Variants in GFRA1 observed in about 807,000 individuals in gnomAD.
The protein encoded by GFRA1 is GDNF family receptor alpha 1.
Under a neutral mutation model 51.6 loss-of-function variants are expected in GFRA1, and 16 were observed. The observed-to-expected ratio is 0.31, with a 90% CI of 0.21 to 0.47. The LOEUF (loss-of-function observed/expected upper bound fraction) is 0.47. Ranked by LOEUF, GFRA1 falls within the 20% of genes least tolerant of loss-of-function variation. GFRA1 has a pLI of 1.00. For synonymous variants in GFRA1, 270 were observed against 241.3 expected (o/e 1.12, Z -1.10); for missense variants, 530 against 594.3 (o/e 0.89, Z 1.13).
At chr10:116,159,725 C>T (rs1158515255) in intron 5 of GFRA1, among the ~76,000 whole-genome samples, 1 of 152,178 alleles carries the variant, frequency 6.6e-6, no homozygotes, top group Non-Finnish European at 1.5e-5. Flanking sequence ...TGCGGCTGCA[C>T]GGAAGGCTGA....
intron 5 of GFRA1, among the ~76,000 whole-genome samples, chr10:116,178,207 G>A (rs1175467446): frequency 6.7e-6 from 1 of 149,090 alleles, no homozygotes; most frequent in Non-Finnish European, 1.5e-5. Flanking sequence ...AAATAAAGCT[G>A]AATTAGGAAC....
chr10:116,073,884 C>T (rs1410645000), intron 9 of GFRA1, among the ~76,000 whole-genome samples: 5 of 152,062 alleles, frequency 3.3e-5, no homozygotes, highest in Admixed American at 6.6e-5. Context: ...GGAGACATAA[C>T]GGACCAGGGG....
At chr10:116,072,774 A>G (rs547070095) in intron 9 of GFRA1, among the ~76,000 whole-genome samples, 2 of 151,964 alleles carry the variant, frequency 1.3e-5, no homozygotes, top group Admixed American at 6.6e-5. Flanking sequence ...ACAAAACAAA[A>G]CAAAACAAAA....
At chr10:116,078,890 G>A (rs1416095719) in intron 9 of GFRA1, among the ~76,000 whole-genome samples, 1 of 152,048 alleles carries the variant, frequency 6.6e-6, no homozygotes, top group Non-Finnish European at 1.5e-5. Context: ...CCTGTGCTAT[G>A]GGCTCAGCGT....
chr10:116,258,173 A>G (rs990975279), intron 4 of GFRA1, among the ~76,000 whole-genome samples: 2 of 152,030 alleles, frequency 1.3e-5, no homozygotes, highest in African/African-American at 4.8e-5. Flanking sequence ...GACAATTCCT[A>G]TTTACCTCTG....
chr10:116,151,479 C>A (rs1959062656), intron 5 of GFRA1, among the ~76,000 whole-genome samples: 1 of 152,070 alleles, frequency 6.6e-6, no homozygotes, highest in Non-Finnish European at 1.5e-5. Flanking sequence ...GGGATGTAGC[C>A]AATGATCATT....
intron 5 of GFRA1, among the ~76,000 whole-genome samples, chr10:116,134,843 G>A (rs966498327): frequency 2.6e-5 from 4 of 152,120 alleles, no homozygotes; most frequent in Admixed American, 1.3e-4. Context: ...ACATTCTGTC[G>A]CTTGCCTGCA....
chr10:116,091,745 G>A (rs189766119), intron 8 of GFRA1, among the ~76,000 whole-genome samples: 1 of 152,296 alleles, frequency 6.6e-6, no homozygotes, highest in Non-Finnish European at 1.5e-5. Context: ...ATTCCTTCTA[G>A]TTACAAGAGA....
In GFRA1 at chr10:116,160,793, AT is replaced by A. The variant is rs1378150230; in HGVS notation, c.434-35237del. Among the ~76,000 whole-genome samples the A allele has an allele frequency of 2.6e-5, 4 of 152,334 alleles. No homozygotes were observed. The East Asian group carries it at 7.7e-4, about 29-fold the overall frequency. ...CCACCAGGCACACAGCCATGAATAC[AT>A]CTGAATATCCACTCACATGCCACAT... On this transcript the variant is annotated intron_variant, in intron 5 of 10. Transcript: ENST00000355422.
chr10:116,236,431 T>TA (rs1391836099), intron 4 of GFRA1, among the ~76,000 whole-genome samples: 1 of 152,012 alleles, frequency 6.6e-6, no homozygotes, highest in African/African-American at 2.4e-5. Flanking sequence ...TCTATATTTA[T>TA]AAAAATCACC....
chr10:116,155,695 A>G (rs1164454319), intron 5 of GFRA1, among the ~76,000 whole-genome samples: 2 of 152,168 alleles, frequency 1.3e-5, no homozygotes, highest in South Asian at 2.1e-4. Context: ...AAGGAGCACA[A>G]TTATTTTCCT....
At chr10:116,110,426 G>A (rs887903255) in intron 6 of GFRA1, among the ~76,000 whole-genome samples, 9 of 152,140 alleles carry the variant, frequency 5.9e-5, no homozygotes, top group African/African-American at 2.2e-4. Flanking sequence ...CAGGGTTCCT[G>A]CCCACCAGTA....
intron 6 of GFRA1, among the ~76,000 whole-genome samples, chr10:116,112,882 G>C (rs536459888): frequency 1.3e-5 from 2 of 152,206 alleles, no homozygotes; most frequent in Non-Finnish European, 2.9e-5. Flanking sequence ...GTGGCTAAAC[G>C]AGCTGGGCGC....
intron 6 of GFRA1, among the ~76,000 whole-genome samples, chr10:116,117,130 A>G (rs1043390893): frequency 2.6e-5 from 4 of 152,186 alleles, no homozygotes; most frequent in Non-Finnish European, 5.9e-5. Context: ...CACTCCACTG[A>G]TCATCCCCTT....
Position 116,235,690 on chromosome 10 carries a change from C to T in GFRA1, c.419-24045G>A, listed in dbSNP as rs191695101. On this transcript the variant is annotated intron_variant, in intron 4 of 10. Coordinates refer to ENST00000355422, the MANE Select transcript of GFRA1 (RefSeq NM_005264.8). ...TTTAAGTCATATGTTGAAGCCCTAACCCCAATGTGATGGTATTTGGAAGTG... is the reference window on the plus strand; with the variant it reads ...TTTAAGTCATATGTTGAAGCCCTAATCCCAATGTGATGGTATTTGGAAGTG... Among the ~76,000 whole-genome samples, 469 of 152,268 alleles carry T rather than the reference C, an allele frequency of 3.1e-3. 9 individuals are homozygous for T. The highest frequency in any genetic ancestry group is 6.8e-3 in the East Asian group (35 of 5,154).
At chr10:116,258,361 A>G (rs1969039656) in intron 4 of GFRA1, among the ~76,000 whole-genome samples, 1 of 109,910 alleles carries the variant, frequency 9.1e-6, no homozygotes, top group Non-Finnish European at 1.8e-5. Flanking sequence ...TATAATATAT[A>G]ATAATAAAAT....
In GFRA1 at chr10:116,089,863, G is replaced by A. The variant is rs1477007691; in HGVS notation, c.1075C>T (p.Pro359Ser). ...SDVTVWQPAFPVQTTTATTTT... is the reference protein window; with the variant it reads ...SDVTVWQPAFSVQTTTATTTT... ...GTAGTGGCAGTGGTGGTCTGTACTG[G>A]GAAGGCTGGCTGCCACACGGTCACA... Residue 359 changes from proline to serine, a missense_variant, in exon 9 of 11, where the codon CCA becomes TCA. Physicochemically the swap from Pro to Ser is moderately conservative, Grantham distance 74. Coordinates refer to ENST00000355422, the MANE Select transcript of GFRA1 (RefSeq NM_005264.8). The A allele has an allele frequency of 6.2e-7, 1 of 1,613,900 alleles. No individual in the cohort carries two copies. Among genetic ancestry groups the A allele is most frequent in the African/African-American group, 1.3e-5 (1 of 74,906 alleles).
At chr10:116,150,257 C>T (rs1374591869) in intron 5 of GFRA1, among the ~76,000 whole-genome samples, 1 of 152,192 alleles carries the variant, frequency 6.6e-6, no homozygotes, top group Non-Finnish European at 1.5e-5. Flanking sequence ...CCAGATGGTG[C>T]CTCCTCCTTC....
chr10:116,195,570 G>C (rs1314561066), intron 5 of GFRA1, among the ~76,000 whole-genome samples: 4 of 152,178 alleles, frequency 2.6e-5, no homozygotes, highest in African/African-American at 7.2e-5. Context: ...CTGCTGATCT[G>C]ACAGGAGGTG....
Sources: gnomAD v4.1 joint callset for allele counts (sites outside exome capture counted in the v4.1 genomes callset) on GRCh38, gnomAD v4.1.1 for gene constraint, MANE v1.5 for transcripts, NCBI Gene and HGNC (gene_info 2026-07-23, HGNC 2026-07-21) for gene names.